The following SETBP1 variants were observed in gnomAD, a reference collection of about 807,000 sequenced individuals.
SETBP1 encodes the protein SET-binding protein.
In SETBP1, 9 loss-of-function variants were observed where a neutral mutation model predicts 101.0. The observed-to-expected ratio is 0.09, with a 90% CI of 0.05 to 0.16. The LOEUF is 0.16. SETBP1 is among the 10% of genes least tolerant of loss of function. The pLI is 1.00. For missense variants in SETBP1, 1,858 were observed against 2,033.8 expected, an observed-to-expected ratio of 0.91 and a Z score of 1.66; for synonymous variants, 818 against 788.5, an observed-to-expected ratio of 1.04 and a Z score of -0.63.
intron 2 of SETBP1, among the ~76,000 whole-genome samples, chr18:44,859,343 G>A (rs2073032939): frequency 6.6e-6 from 1 of 152,176 alleles, no homozygotes; most frequent in African/African-American, 2.4e-5. Context: ...TGAGTCACCT[G>A]AGGCATGGCT....
chr18:44,916,389 A>G (rs1053322265), intron 3 of SETBP1, among the ~76,000 whole-genome samples: 2 of 152,162 alleles, frequency 1.3e-5, no homozygotes, highest in Non-Finnish European at 2.9e-5. Flanking sequence ...GGTTCCTTGG[A>G]ATTTTCCCAT....
chr18:45,026,112 A>G (rs1212971052), intron 4 of SETBP1, among the ~76,000 whole-genome samples: 1 of 152,220 alleles, frequency 6.6e-6, no homozygotes, highest in African/African-American at 2.4e-5. Context: ...GCTTATATTA[A>G]CTGGCATTGA....
chr18:45,004,471 T>G (rs2072683899), intron 4 of SETBP1, among the ~76,000 whole-genome samples: 1 of 152,230 alleles, frequency 6.6e-6, no homozygotes, highest in African/African-American at 2.4e-5. Context: ...CAGCTGCCTG[T>G]TACAGAATCA....
intron 3 of SETBP1, among the ~76,000 whole-genome samples, chr18:44,902,226 C>A (rs897536640): frequency 2.9e-3 from 122 of 41,836 alleles, no homozygotes; most frequent in Non-Finnish European, 5.0e-3. Context: ...ACATATATCT[C>A]TCTCTTTCTC....
intron 2 of SETBP1, among the ~76,000 whole-genome samples, chr18:44,773,836 TTA>T (rs2070932000): frequency 2.8e-5 from 1 of 36,338 alleles, no homozygotes; most frequent in African/African-American, 1.0e-4. Context: ...CTCTCTCTGT[TTA>T]TGTGTGTGTG....
Position 44,722,102 on chromosome 18 carries a change from G to T in SETBP1, c.486+20270G>T, listed in dbSNP as rs143386712. Among the ~76,000 whole-genome samples the T allele has an allele frequency of 1.6e-3, 237 of 151,642 alleles. No homozygotes were observed. In the Middle Eastern group the frequency reaches 0.018, roughly 11 times the overall value. On this transcript the variant is annotated intron_variant, in intron 2 of 5. Coordinates refer to ENST00000649279, the MANE Select transcript of SETBP1 (RefSeq NM_015559.3). ...TTGTCACTTGTTTGCCAACTAGAGGGTATCTGGACATGTGTATGTGAGAGG... is the reference window on the plus strand; with the variant it reads ...TTGTCACTTGTTTGCCAACTAGAGGTTATCTGGACATGTGTATGTGAGAGG...
intron 4 of SETBP1, among the ~76,000 whole-genome samples, chr18:44,995,347 T>A (rs1345831308): frequency 6.6e-6 from 1 of 152,058 alleles, no homozygotes. Context: ...TTCACAGTGT[T>A]AGCCAGGACG....
chr18:44,978,582 A>T (rs1039628951), intron 4 of SETBP1, among the ~76,000 whole-genome samples: 1 of 152,214 alleles, frequency 6.6e-6, no homozygotes, highest in Non-Finnish European at 1.5e-5. Context: ...GATTAGCTCC[A>T]TTTAACAGAT....
chr18:45,061,005 A>G (rs1342204706), intron 5 of SETBP1, among the ~76,000 whole-genome samples: 1 of 152,252 alleles, frequency 6.6e-6, no homozygotes, highest in African/African-American at 2.4e-5. Context: ...TATATAATAT[A>G]TCACATAGCA....
chr18:45,043,725 T>TA (rs1252098437), intron 5 of SETBP1, among the ~76,000 whole-genome samples: 3 of 152,244 alleles, frequency 2.0e-5, no homozygotes, highest in African/African-American at 7.2e-5. Context: ...ATTTTGTTAT[T>TA]AGCCCAGCCA....
chr18:44,921,877 CA>C (rs1312230401), intron 3 of SETBP1, among the ~76,000 whole-genome samples: 1 of 152,150 alleles, frequency 6.6e-6, no homozygotes. Context: ...AGTAACACAG[CA>C]AATGGCTTTC....
intron 2 of SETBP1, among the ~76,000 whole-genome samples, chr18:44,772,866 A>G (rs192075094): frequency 3.2e-4 from 48 of 152,330 alleles, no homozygotes; most frequent in African/African-American, 1.1e-3. Flanking sequence ...GTTAGATCTT[A>G]ACATGATTCC....
At chr18:44,749,859 C>A (rs1229394904) in intron 2 of SETBP1, among the ~76,000 whole-genome samples, 1 of 152,172 alleles carries the variant, frequency 6.6e-6, no homozygotes, top group Non-Finnish European at 1.5e-5. Flanking sequence ...TTGTTGTTTT[C>A]TGACTTCTCT....
intron 1 of SETBP1, among the ~76,000 whole-genome samples, chr18:44,693,653 A>T (rs1363621264): frequency 6.6e-6 from 1 of 152,236 alleles, no homozygotes; most frequent in African/African-American, 2.4e-5. Flanking sequence ...AAAGTCAGAC[A>T]GTCAGTCTCT....
At chr18:44,814,474 T>C (rs1266781958) in intron 2 of SETBP1, among the ~76,000 whole-genome samples, 2 of 152,230 alleles carry the variant, frequency 1.3e-5, no homozygotes, top group East Asian at 1.9e-4. Context: ...CTTACACATC[T>C]AGAATTGGCA....
At chr18:44,745,558 A>G (rs1206542353) in intron 2 of SETBP1, among the ~76,000 whole-genome samples, 4 of 152,254 alleles carry the variant, frequency 2.6e-5, no homozygotes. Flanking sequence ...GCTATGACAA[A>G]AATAGAAAAG....
At chr18:44,838,110 T>A (rs2072535395) in intron 2 of SETBP1, among the ~76,000 whole-genome samples, 1 of 152,200 alleles carries the variant, frequency 6.6e-6, no homozygotes, top group African/African-American at 2.4e-5. Context: ...TCCTTCAGCC[T>A]GGAGCAGCCC....
At chr18:44,958,659 GGA>G (rs527593138) in intron 4 of SETBP1, among the ~76,000 whole-genome samples, 1 of 152,026 alleles carries the variant, frequency 6.6e-6, no homozygotes, top group Non-Finnish European at 1.5e-5. Context: ...GCAGGGAAAG[GGA>G]GAGAGAGAGT....
At chr18:44,844,577 T>A (rs772737644) in intron 2 of SETBP1, among the ~76,000 whole-genome samples, 2 of 152,214 alleles carry the variant, frequency 1.3e-5, no homozygotes, top group Non-Finnish European at 2.9e-5. Context: ...GAGCTGGGAT[T>A]GGAGGTCAGT....
Sources: gnomAD v4.1 joint callset for allele counts (sites outside exome capture counted in the v4.1 genomes callset) on GRCh38, gnomAD v4.1.1 for gene constraint, MANE v1.5 for transcripts, NCBI Gene and HGNC (gene_info 2026-07-23, HGNC 2026-07-21) for gene names.